Variants in YES1 observed in about 807,000 individuals in gnomAD.
YES1 encodes tyrosine-protein kinase Yes.
A neutral mutation model predicts 70.4 loss-of-function variants in YES1; 39 were observed. The ratio of observed to expected loss-of-function variants is 0.55; its 90% CI spans 0.43 to 0.72. The LOEUF (loss-of-function observed/expected upper bound fraction) is 0.72, where lower values mean the gene tolerates loss of function less well. Ranked by LOEUF, YES1 falls within the 30% of genes least tolerant of loss-of-function variation. The pLI is 0.00. For missense variants in YES1, 495 were observed against 644.8 expected, an observed-to-expected ratio of 0.77 and a Z score of 2.52; for synonymous variants, 198 against 218.6, an observed-to-expected ratio of 0.91 and a Z score of 0.83.
intron 1 of YES1, among the ~76,000 whole-genome samples, chr18:773,671 GCTT>G (rs900107285): frequency 2.6e-5 from 4 of 151,954 alleles, no homozygotes; most frequent in African/African-American, 9.7e-5. Context: ...TAACTTTCCT[GCTT>G]CTTTTCTTTC....
chr18:739,567 C>G, intron 9 of YES1, 168 bp downstream of exon 9: 1 of 515,862 alleles, frequency 1.9e-6, no homozygotes, highest in South Asian at 4.2e-5. Flanking sequence ...TATCAGTGCA[C>G]CACTGCATTC....
rs181854819 is a variant in YES1 at position 772,307 on chromosome 18, G to A, written c.-8-15472C>T. On this transcript the variant is annotated intron_variant, in intron 1 of 11. Transcript: ENST00000314574. ...GCCTCCCAAAGTGCTGGGATTACAG[G>A]CATGAGCCACCGCACCCGGCCTGCA... Among the ~76,000 whole-genome samples, 543 of 152,176 alleles carry A rather than the reference G, an allele frequency of 3.6e-3. 4 individuals carry two copies. The highest frequency in any genetic ancestry group is 0.012 in the African/African-American group (513 of 41,514).
chr18:747,275 G>C (rs562765698), intron 4 of YES1, among the ~76,000 whole-genome samples: 93 of 152,262 alleles, frequency 6.1e-4, no homozygotes, highest in African/African-American at 2.2e-3. Context: ...TTTGAGACCA[G>C]CCTGGCCAAT....
intron 1 of YES1, among the ~76,000 whole-genome samples, chr18:769,307 A>G (rs1905055337): frequency 6.6e-6 from 1 of 151,846 alleles, no homozygotes; most frequent in African/African-American, 2.4e-5. Context: ...ACTGTACTAA[A>G]CTCTTATGAT....
intron 1 of YES1, among the ~76,000 whole-genome samples, chr18:759,396 G>A (rs1904457798): frequency 6.6e-6 from 1 of 152,194 alleles, no homozygotes; most frequent in Non-Finnish European, 1.5e-5. Context: ...GAACCCAGGA[G>A]GCGGAGGTTG....
intron 1 of YES1, among the ~76,000 whole-genome samples, chr18:785,464 G>C (rs1046388387): frequency 2.6e-5 from 4 of 152,116 alleles, no homozygotes; most frequent in African/African-American, 9.7e-5. Flanking sequence ...TAAGTAGCTT[G>C]TTCTAAGTAG....
At position 741,191 on chromosome 18, in the gene YES1, C is replaced by G. The variant is rs559176707; in HGVS notation, c.1061-1380G>C. Reference sequence around the variant, plus strand: ...GGGATTGGAGGCATGAACCACTGTGCCTGGCCTGCTTCCAATATCTTGATT... The same window carrying G: ...GGGATTGGAGGCATGAACCACTGTGGCTGGCCTGCTTCCAATATCTTGATT... On this transcript the variant is annotated intron_variant, in intron 8 of 11. Coordinates refer to ENST00000314574, the MANE Select transcript of YES1 (RefSeq NM_005433.4). Among the ~76,000 whole-genome samples, 10 of 152,240 alleles carry G rather than the reference C, an allele frequency of 6.6e-5. No individual in the cohort carries two copies. In the East Asian group the frequency reaches 1.5e-3, roughly 24 times the overall value.
chr18:736,164 C>A (rs1187082279), intron 10 of YES1: 2 of 152,586 alleles, frequency 1.3e-5, no homozygotes, highest in African/African-American at 4.8e-5. Context: ...CAGAGGGAGA[C>A]CCTATCTCGA....
chr18:766,760 T>G (rs529376826), intron 1 of YES1, among the ~76,000 whole-genome samples: 1 of 152,128 alleles, frequency 6.6e-6, no homozygotes, highest in African/African-American at 2.4e-5. Context: ...AACTAAAGTG[T>G]CTGTTCAAAT....
intron 1 of YES1, among the ~76,000 whole-genome samples, chr18:794,509 G>C (rs1213996216): frequency 6.6e-6 from 1 of 152,114 alleles, no homozygotes; most frequent in Admixed American, 6.5e-5. Context: ...ATGAACTACT[G>C]TATTACTTTC....
intron 2 of YES1, 25 bp downstream of exon 2, chr18:756,532 A>G: frequency 1.2e-6 from 2 of 1,613,296 alleles, no homozygotes; most frequent in African/African-American, 1.3e-5. Context: ...CAAACAGACA[A>G]CATAATTGTC....
chr18:765,290 ATATC>A (rs1904844165), intron 1 of YES1, among the ~76,000 whole-genome samples: 1 of 125,346 alleles, frequency 8.0e-6, no homozygotes, highest in Non-Finnish European at 1.7e-5. Context: ...ATATATATAT[ATATC>A]TGTAGCAATT....
intron 1 of YES1, among the ~76,000 whole-genome samples, chr18:771,449 A>G (rs1905153273): frequency 6.6e-6 from 1 of 152,208 alleles, no homozygotes; most frequent in African/African-American, 2.4e-5. Flanking sequence ...ATAACAGATA[A>G]AATATTTATT....
Position 742,970 on chromosome 18 carries a change from A to G in YES1, c.1008T>C (p.Tyr336=). 6.2e-7 allele frequency: 1 copy of G among 1,609,476 alleles called. No homozygotes were observed. ...KLRHDKLVPL[Y]AVVSEEPIYI... ...AAATTGGTTCTTCAGAAACAACAGC[A>G]TATAGTGGAACAAGTTTATCATGTC... The change falls in exon 8 of 12, where the codon TAT becomes TAC. Residue 336 remains tyrosine, a synonymous_variant. Transcript: ENST00000314574.
chr18:761,242 TAAAA>T (rs79610931), intron 1 of YES1, among the ~76,000 whole-genome samples: 1 of 132,316 alleles, frequency 7.6e-6, no homozygotes, highest in Non-Finnish European at 1.6e-5. Flanking sequence ...CTTTGCCGTT[TAAAA>T]AAAAAAAAAA....
At chr18:728,714 TG>T (rs967415617) in intron 11 of YES1, among the ~76,000 whole-genome samples, 2 of 152,096 alleles carry the variant, frequency 1.3e-5, no homozygotes, top group Admixed American at 6.5e-5. Flanking sequence ...TTAGTAGAGA[TG>T]GGGTTTCACT....
chr18:788,367 C>T (rs1035954046), intron 1 of YES1, among the ~76,000 whole-genome samples: 6 of 152,212 alleles, frequency 3.9e-5, no homozygotes, highest in Admixed American at 2.0e-4. Context: ...ACCAGAACTT[C>T]GTATTTCTGA....
intron 6 of YES1, among the ~76,000 whole-genome samples, chr18:743,945 TTAC>T (rs1386947873): frequency 6.7e-6 from 1 of 149,434 alleles, no homozygotes; most frequent in Non-Finnish European, 1.5e-5. Flanking sequence ...ATGTTATTAC[TTAC>T]TACTTAGTAT....
intron 1 of YES1, among the ~76,000 whole-genome samples, chr18:795,346 G>A (rs1906484057): frequency 6.6e-6 from 1 of 152,088 alleles, no homozygotes; most frequent in South Asian, 2.1e-4. Flanking sequence ...ACCCAAGGAG[G>A]GAAACATAAA....
Sources: allele counts gnomAD v4.1 joint callset (sites outside exome capture counted in the v4.1 genomes callset), GRCh38; gene constraint gnomAD v4.1.1; transcripts MANE v1.5; gene names NCBI Gene and HGNC (gene_info 2026-07-23, HGNC 2026-07-21).